The following COP1 variants were observed in gnomAD, a reference collection of about 807,000 sequenced individuals.
The protein encoded by COP1 is COP1 E3 ubiquitin ligase.
A neutral mutation model predicts 101.3 loss-of-function variants in COP1; 24 were observed. The ratio of observed to expected loss-of-function variants is 0.24; its 90% CI spans 0.17 to 0.33. The LOEUF (loss-of-function observed/expected upper bound fraction) is 0.33. Among genes scored for constraint, COP1 ranks in the 10% least tolerant of loss-of-function variants. COP1 has a pLI of 1.00. For missense variants in COP1, 663 were observed against 906.2 expected, an observed-to-expected ratio of 0.73 and a Z score of 3.45; for synonymous variants, 347 against 341.9, an observed-to-expected ratio of 1.01 and a Z score of -0.17.
intron 8 of COP1, among the ~76,000 whole-genome samples, chr1:176,128,995 A>G (rs1259663555): frequency 6.6e-6 from 1 of 151,920 alleles, no homozygotes; most frequent in East Asian, 1.9e-4. Context: ...CCTCCCAAGC[A>G]TATATTCTTT....
At chr1:176,066,850 A>AT (rs1336853135) in intron 11 of COP1, among the ~76,000 whole-genome samples, 1 of 152,158 alleles carries the variant, frequency 6.6e-6, no homozygotes, top group East Asian at 1.9e-4. Context: ...TTCAGCACTA[A>AT]GACAAGTAAG....
chr1:175,990,971 T>G (rs1196378039), intron 15 of COP1, among the ~76,000 whole-genome samples: 1 of 151,988 alleles, frequency 6.6e-6, no homozygotes, highest in African/African-American at 2.4e-5. Context: ...CATACTTACA[T>G]TTAATATAAT....
intron 10 of COP1, among the ~76,000 whole-genome samples, chr1:176,084,060 T>G (rs563051919): frequency 6.6e-6 from 1 of 152,324 alleles, no homozygotes; most frequent in Non-Finnish European, 1.5e-5. Flanking sequence ...ACTTAAAGAT[T>G]ACTAATAATA....
At chr1:176,114,596 G>C (rs761222953) in intron 9 of COP1, among the ~76,000 whole-genome samples, 4 of 146,314 alleles carry the variant, frequency 2.7e-5, no homozygotes, top group Non-Finnish European at 6.0e-5. Context: ...TGCGGGGGGA[G>C]GGAGTGGGGG....
At chr1:176,113,979 T>C (rs565358279) in intron 9 of COP1, among the ~76,000 whole-genome samples, 2 of 150,218 alleles carry the variant, frequency 1.3e-5, no homozygotes, top group South Asian at 2.1e-4. Flanking sequence ...CACAGTGACC[T>C]TGTTTTTTAA....
At chr1:176,184,204 G>C (rs1698157186) in intron 2 of COP1, among the ~76,000 whole-genome samples, 1 of 152,048 alleles carries the variant, frequency 6.6e-6, no homozygotes, top group African/African-American at 2.4e-5. Flanking sequence ...AGTTAATATT[G>C]AGCAAAGTGT....
At chr1:176,098,953 A>G (rs1682895027) in intron 9 of COP1, among the ~76,000 whole-genome samples, 1 of 152,198 alleles carries the variant, frequency 6.6e-6, no homozygotes, top group Non-Finnish European at 1.5e-5. Flanking sequence ...AATCTTCTTT[A>G]GGTTATATTT....
intron 15 of COP1, among the ~76,000 whole-genome samples, chr1:175,990,801 G>T (rs1658230845): frequency 6.6e-6 from 1 of 151,578 alleles, no homozygotes; most frequent in Non-Finnish European, 1.5e-5. Context: ...CATTTTTCTT[G>T]ACTACTACTT....
intron 11 of COP1, among the ~76,000 whole-genome samples, chr1:176,075,814 C>T (rs1440001315): frequency 6.6e-6 from 1 of 151,724 alleles, no homozygotes; most frequent in Non-Finnish European, 1.5e-5. Context: ...ACCAGCCTGG[C>T]CAACATAATG....
At chr1:176,050,558 T>A (rs1250276801) in intron 11 of COP1, among the ~76,000 whole-genome samples, 1 of 152,152 alleles carries the variant, frequency 6.6e-6, no homozygotes, top group Non-Finnish European at 1.5e-5. Flanking sequence ...CAAGAGCAGG[T>A]AACTAAAACT....
intron 3 of COP1, among the ~76,000 whole-genome samples, chr1:176,171,045 A>G (rs1473998817): frequency 7.0e-6 from 1 of 142,510 alleles, no homozygotes; most frequent in Non-Finnish European, 1.5e-5. Flanking sequence ...GAATGGCATG[A>G]TCCCAGCAGG....
intron 15 of COP1, among the ~76,000 whole-genome samples, chr1:175,998,602 G>A (rs891680712): frequency 6.6e-6 from 1 of 151,844 alleles, no homozygotes; most frequent in Admixed American, 6.6e-5. Flanking sequence ...AGCATTTCAG[G>A]ACTTCTGCAA....
chr1:176,093,288 C>T (rs1681681563), intron 9 of COP1, among the ~76,000 whole-genome samples: 1 of 152,206 alleles, frequency 6.6e-6, no homozygotes, highest in Admixed American at 6.5e-5. Flanking sequence ...AACACAGAAG[C>T]CAGTTCCATA....
chr1:175,955,940 C>T (rs946953614), intron 18 of COP1, among the ~76,000 whole-genome samples: 1 of 151,986 alleles, frequency 6.6e-6, no homozygotes, highest in Non-Finnish European at 1.5e-5. Context: ...TCTATAGGCT[C>T]AATGCAATTC....
chr1:176,168,685 C>G, intron 3 of COP1: 2 of 307,242 alleles, frequency 6.5e-6, no homozygotes, highest in Non-Finnish European at 1.3e-5. Context: ...CTTTCAGGAT[C>G]AGGAGAGGGA....
At chr1:176,109,669 T>C (rs1349392321) in intron 9 of COP1, among the ~76,000 whole-genome samples, 1 of 152,204 alleles carries the variant, frequency 6.6e-6, no homozygotes, top group Non-Finnish European at 1.5e-5. Flanking sequence ...TCTATCCCAA[T>C]TGTCCTAAAA....
chr1:176,140,055 T>G (rs1227299435), intron 6 of COP1, among the ~76,000 whole-genome samples: 2 of 152,362 alleles, frequency 1.3e-5, no homozygotes, highest in Admixed American at 6.5e-5. Context: ...AATTAATTTT[T>G]ATTCTGCTTT....
At position 176,156,944 on chromosome 1, in the gene COP1, T is replaced by A. The variant is rs569799161; in HGVS notation, c.762+5925A>T. 2.0e-5 allele frequency among the ~76,000 whole-genome samples: 3 copies of A among 152,250 alleles called. No individual in the cohort carries two copies. The South Asian group carries it at 6.2e-4, about 32-fold the overall frequency. On this transcript the variant is annotated intron_variant, in intron 5 of 19. Transcript: ENST00000367669. ...TGGGTCTGGTGGCTCACACCAGTAA[T>A]TTCAGCACTTTTGGAGGCCAAGGCA... is the stretch of plus-strand genomic sequence containing the variant.
At chr1:176,056,715 T>C (rs1374749781) in intron 11 of COP1, among the ~76,000 whole-genome samples, 3 of 152,342 alleles carry the variant, frequency 2.0e-5, no homozygotes, top group Non-Finnish European at 4.4e-5. Context: ...TCACGTTTAC[T>C]TTTGTATCTG....
Sources: gnomAD v4.1 joint callset for allele counts (sites outside exome capture counted in the v4.1 genomes callset) on GRCh38, gnomAD v4.1.1 for gene constraint, MANE v1.5 for transcripts, NCBI Gene and HGNC (gene_info 2026-07-23, HGNC 2026-07-21) for gene names.